MTCL1: variants seen among roughly 807,000 people sequenced by gnomAD.
MTCL1 encodes microtubule crosslinking factor 1.
In MTCL1, 79 loss-of-function variants were observed where a neutral mutation model predicts 141.4. That is an observed-to-expected ratio of 0.56 (90% CI 0.47 to 0.67). The LOEUF (loss-of-function observed/expected upper bound fraction) is 0.67. MTCL1 is among the 30% of genes least tolerant of loss of function. MTCL1 has a pLI of 0.00. For synonymous variants in MTCL1, 914 were observed against 875.8 expected (o/e 1.04, Z -0.77); for missense variants, 2,177 against 2,113.9 (o/e 1.03, Z -0.59).
chr18:8,711,031 C>T (rs1316154409), intron 1 of MTCL1, among the ~76,000 whole-genome samples: 1 of 151,658 alleles, frequency 6.6e-6, no homozygotes, highest in Non-Finnish European at 1.5e-5. Context: ...CAATGCTATC[C>T]CTCCCCACTC....
chr18:8,734,409 C>T (rs1181360543), intron 4 of MTCL1, among the ~76,000 whole-genome samples: 4 of 152,148 alleles, frequency 2.6e-5, no homozygotes, highest in Non-Finnish European at 5.9e-5. Flanking sequence ...TGTCTCCCTT[C>T]TTACTGTCTC....
intron 4 of MTCL1, among the ~76,000 whole-genome samples, chr18:8,729,485 C>T (rs1230608183): frequency 1.3e-5 from 2 of 151,700 alleles, no homozygotes; most frequent in Admixed American, 1.3e-4. Flanking sequence ...TGTACTGCCA[C>T]CTTGAACTCT....
At chr18:8,772,842 A>G (rs1367992390) in intron 4 of MTCL1, among the ~76,000 whole-genome samples, 1 of 152,034 alleles carries the variant, frequency 6.6e-6, no homozygotes, top group Non-Finnish European at 1.5e-5. Flanking sequence ...CAACATGAGG[A>G]CTATAATGAG....
In MTCL1 at chr18:8,707,981, A is replaced by G. The variant is rs144618492; in HGVS notation, c.1053+1268A>G. 8.5e-5 allele frequency among the ~76,000 whole-genome samples: 13 copies of G among 152,370 alleles called. No individual in the cohort carries two copies. In the East Asian group the frequency reaches 2.5e-3, roughly 29 times the overall value. On this transcript the variant is annotated intron_variant, in intron 1 of 13. Coordinates refer to the MTCL1 transcript ENST00000306329. ...AGTGAGGCAGAGAAAGAGAGGTGAT[A>G]AAAGAAAGATTGGGACTTAAAGCAA...
intron 12 of MTCL1, 104 bp from the exon 12 acceptor site, chr18:8,818,859 A>T: frequency 8.6e-7 from 1 of 1,156,202 alleles, no homozygotes; most frequent in Non-Finnish European, 1.2e-6. Flanking sequence ...AATATTTTTC[A>T]AACTGACCTA....
intron 4 of MTCL1, among the ~76,000 whole-genome samples, chr18:8,769,658 C>G (rs577550550): frequency 6.6e-6 from 1 of 152,310 alleles, no homozygotes; most frequent in Non-Finnish European, 1.5e-5. Flanking sequence ...CCCAGGTGGC[C>G]TGGTGACCCT....
At chr18:8,740,831 AG>A (rs1245144184) in intron 4 of MTCL1, among the ~76,000 whole-genome samples, 1 of 152,140 alleles carries the variant, frequency 6.6e-6, no homozygotes, top group African/African-American at 2.4e-5. Flanking sequence ...GTGGGACTCT[AG>A]GCTTCCTGAG....
intron 4 of MTCL1, among the ~76,000 whole-genome samples, chr18:8,760,922 TG>T (rs1450307879): frequency 6.6e-6 from 1 of 152,230 alleles, no homozygotes; most frequent in Non-Finnish European, 1.5e-5. Flanking sequence ...CCATGCATGT[TG>T]ATTAAAATAT....
At chr18:8,729,563 C>G (rs2096239332) in intron 4 of MTCL1, among the ~76,000 whole-genome samples, 1 of 151,616 alleles carries the variant, frequency 6.6e-6, no homozygotes, top group South Asian at 2.1e-4. Context: ...CCACCGCACC[C>G]AGCTGACTGT....
intron 7 of MTCL1, 83 bp downstream of exon 6, chr18:8,786,174 G>A (rs771398765): frequency 3.5e-6 from 5 of 1,422,302 alleles, no homozygotes; most frequent in South Asian, 1.2e-5. Context: ...TTCTGTCCCG[G>A]ACGAGGCCCT....
chr18:8,728,576 T>G (rs191356824), intron 4 of MTCL1, among the ~76,000 whole-genome samples: 150 of 152,278 alleles, frequency 9.9e-4, no homozygotes, highest in Admixed American at 4.2e-3. Flanking sequence ...TCAGTCTGAT[T>G]AAGTCTGTCA....
In MTCL1 at chr18:8,822,084, C is replaced by T. The variant is rs926138036; in HGVS notation, c.3188+586C>T. 2.6e-5 allele frequency among the ~76,000 whole-genome samples: 4 copies of T among 152,200 alleles called. No individual in the cohort carries two copies. Among genetic ancestry groups the T allele is most frequent in the African/African-American group, 7.2e-5 (3 of 41,442 alleles). ...CTCAGGCAATTCAGCATTTCCAGAT[C>T]GCCTCATCCTTGATTTTCCTCTGAA... is the stretch of plus-strand genomic sequence containing the variant. On this transcript the variant is annotated intron_variant, in intron 14 of 16. Transcript: ENST00000359865. The surrounding 1 kb of genome is among the most constrained non-coding windows in gnomAD (Gnocchi z 4.6).
intron 11 of MTCL1, among the ~76,000 whole-genome samples, chr18:8,811,642 T>C (rs951167635): frequency 2.0e-5 from 3 of 152,128 alleles, no homozygotes; most frequent in African/African-American, 4.8e-5. Flanking sequence ...AGAAAGTTAA[T>C]TGAACTCTAC....
At chr18:8,758,860 A>C (rs1432398471) in intron 4 of MTCL1, among the ~76,000 whole-genome samples, 1 of 152,238 alleles carries the variant, frequency 6.6e-6, no homozygotes, top group Non-Finnish European at 1.5e-5. Flanking sequence ...TTCAAAACAG[A>C]GATGAGAGGA....
At chr18:8,798,540 G>T (rs2076004924) in intron 10 of MTCL1, among the ~76,000 whole-genome samples, 1 of 152,074 alleles carries the variant, frequency 6.6e-6, no homozygotes, top group East Asian at 1.9e-4. Flanking sequence ...CTGTAGTAAG[G>T]GCAGATCAAT....
At chr18:8,805,515 A>G (rs567708030) in intron 10 of MTCL1, among the ~76,000 whole-genome samples, 26 of 152,274 alleles carry the variant, frequency 1.7e-4, no homozygotes, top group Non-Finnish European at 3.2e-4. Context: ...TCCCATATAT[A>G]CTTAACCATT....
chr18:8,778,095 C>T (rs975590015), intron 5 of MTCL1: 3 of 469,428 alleles, frequency 6.4e-6, no homozygotes, highest in Middle Eastern at 5.5e-4. Flanking sequence ...TTCTCCCTCA[C>T]GCTGACAAGC....
At chr18:8,732,285 A>T (rs985080570) in intron 4 of MTCL1, among the ~76,000 whole-genome samples, 12 of 151,618 alleles carry the variant, frequency 7.9e-5, no homozygotes, top group East Asian at 1.9e-4. Context: ...TTATTTATTT[A>T]TTTTTTAGTA....
At chr18:8,823,995 C>T (rs1013678832) in intron 14 of MTCL1, among the ~76,000 whole-genome samples, 5 of 152,178 alleles carry the variant, frequency 3.3e-5, no homozygotes, top group Non-Finnish European at 7.3e-5. Context: ...AGAATCTGGA[C>T]AGTGAGTCTA....
Sources: gnomAD v4.1 joint callset for allele counts (sites outside exome capture counted in the v4.1 genomes callset) on GRCh38, gnomAD v4.1.1 for gene constraint, Gnocchi (gnomAD v3.1) non-coding constraint, MANE v1.5 for transcripts, NCBI Gene and HGNC (gene_info 2026-07-23, HGNC 2026-07-21) for gene names.